CLOCK: variants seen among roughly 807,000 people sequenced by gnomAD.
CLOCK encodes clock circadian regulator, also known as circadian locomoter output cycles protein kaput.
Under a neutral mutation model 118.4 loss-of-function variants are expected in CLOCK, and 43 were observed. The observed-to-expected ratio is 0.36, with a 90% CI of 0.28 to 0.47. CLOCK has a LOEUF of 0.47. Among genes scored for constraint, CLOCK ranks in the 20% least tolerant of loss-of-function variants. The pLI, the probability that CLOCK is intolerant of heterozygous loss-of-function variation, is 1.00. For missense variants in CLOCK, 846 were observed against 999.9 expected, an observed-to-expected ratio of 0.85 and a Z score of 2.08; for synonymous variants, 326 against 339.2, an observed-to-expected ratio of 0.96 and a Z score of 0.43.
chr4:55,459,212 G>A lies in CLOCK; in HGVS notation c.609C>T (p.Asp203=). ...FCCHMLRGTI[D]PKEPSTYEYV... is the part of the protein sequence containing the mutation. ...ATTCATAGGTAGATGGCTCCTTTGG[G>A]TCTATTGTTCCTCGCAGCATGTGAC... Residue 203 remains aspartate (D), a synonymous_variant, in exon 10 of 23, where the codon GAC becomes GAT. Coordinates refer to ENST00000513440, the MANE Select transcript of CLOCK (RefSeq NM_004898.4). The A allele has an allele frequency of 1.2e-6, 2 of 1,612,640 alleles. No individual in the cohort carries two copies. Among genetic ancestry groups the A allele is most frequent in the Non-Finnish European group, 1.7e-6 (2 of 1,178,810 alleles).
chr4:55,515,983 T>G (rs1577837864), intron 1 of CLOCK, among the ~76,000 whole-genome samples: 1 of 152,196 alleles, frequency 6.6e-6, no homozygotes, highest in Non-Finnish European at 1.5e-5. Flanking sequence ...CTTTGACCCA[T>G]GTGTTGTTTA....
At chr4:55,498,871 T>C (rs970380109) in intron 2 of CLOCK, among the ~76,000 whole-genome samples, 5 of 152,188 alleles carry the variant, frequency 3.3e-5, no homozygotes, top group South Asian at 2.1e-4. Context: ...AAGTATATTA[T>C]AGAACAGACA....
intron 3 of CLOCK, among the ~76,000 whole-genome samples, chr4:55,489,000 T>C (rs1341636111): frequency 6.6e-6 from 1 of 152,224 alleles, no homozygotes; most frequent in Non-Finnish European, 1.5e-5. Context: ...CCCAAACTGC[T>C]AGGATTACAG....
chr4:55,469,203 G>A (rs891877964), intron 8 of CLOCK, among the ~76,000 whole-genome samples: 1 of 150,888 alleles, frequency 6.6e-6, no homozygotes, highest in African/African-American at 2.4e-5. Context: ...TCGGCTCACC[G>A]CAACCTCTGC....
intron 1 of CLOCK, among the ~76,000 whole-genome samples, chr4:55,540,069 G>C (rs28525309): frequency 0.42 from 62,244 of 149,800 alleles, 14,502 homozygotes; most frequent in African/African-American, 0.63. Flanking sequence ...GTGCAATGGC[G>C]TGATCTCTGC....
intron 8 of CLOCK, 95 bp from the exon 9 acceptor site, chr4:55,463,900 T>C (rs1228979376): frequency 6.4e-6 from 8 of 1,257,880 alleles, no homozygotes; most frequent in African/African-American, 1.5e-5. Flanking sequence ...AGCAGTTAAC[T>C]TTCAATTATC....
intron 1 of CLOCK, among the ~76,000 whole-genome samples, chr4:55,526,112 C>T (rs4865006): frequency 0.75 from 114,581 of 152,008 alleles, 43,509 homozygotes; most frequent in East Asian, 0.9. Context: ...ATACGAAATC[C>T]GAAACGCTTC....
intron 2 of CLOCK, among the ~76,000 whole-genome samples, chr4:55,494,225 G>A (rs192115417): frequency 2.0e-5 from 3 of 152,080 alleles, no homozygotes; most frequent in African/African-American, 7.2e-5. Context: ...GAAGCTATAC[G>A]ACTCTACACC....
At chr4:55,437,732 G>A (rs939275036) in intron 22 of CLOCK, among the ~76,000 whole-genome samples, 5 of 152,180 alleles carry the variant, frequency 3.3e-5, no homozygotes, top group African/African-American at 1.2e-4. Context: ...TGGTGCAGCA[G>A]TGACTCAACC....
At position 55,513,484 on chromosome 4, in the gene CLOCK, T is replaced by A. The variant is rs1362350715; in HGVS notation, c.-289-3419A>T. Among the ~76,000 whole-genome samples, 3 of 152,158 alleles carry A rather than the reference T, an allele frequency of 2.0e-5. No homozygotes were observed. The East Asian group carries it at 5.8e-4, about 29-fold the overall frequency. On this transcript the variant is annotated intron_variant, in intron 1 of 22. Transcript: ENST00000513440. ...GTGGATCTATTCCTGGTCTCTCTAT[T>A]CTGTTCCACTGATCTATTAAAATAT...
rs1708907124 is a variant in CLOCK, at chr4:55,431,356, G to C, written c.*4059C>G. On this transcript the variant is annotated 3_prime_UTR_variant, in exon 23 of 23. Transcript: ENST00000513440. ...AGGCATGTAGAGGGTTCCTATTATA[G>C]TTATATACAAATATATTAAATATAC... is the stretch of plus-strand genomic sequence containing the variant. The C allele has an allele frequency of 6.6e-6, 1 of 152,140 alleles. No homozygotes were observed. The highest frequency in any genetic ancestry group is 2.4e-5 in the African/African-American group (1 of 41,418). 9.4% of individuals were successfully genotyped at this position (152,140 alleles called of 1,614,324 possible). A position where few individuals can be genotyped will look rare whatever the true frequency, so the allele number is the denominator to read the frequency against.
intron 1 of CLOCK, among the ~76,000 whole-genome samples, chr4:55,544,159 C>T (rs1444721933): frequency 1.1e-5 from 1 of 89,180 alleles, no homozygotes; most frequent in Non-Finnish European, 2.2e-5. Flanking sequence ...TCATGAGAAA[C>T]AACCAGACAC....
chr4:55,449,002 T>TAACAA, intron 17 of CLOCK, 134 bp from the exon 18 acceptor site: 2 of 729,482 alleles, frequency 2.7e-6, no homozygotes, highest in Non-Finnish European at 4.7e-6. Context: ...TGAATACAGC[T>TAACAA]ATGTCTTCTC....
chr4:55,450,394 T>C (rs563411036), intron 15 of CLOCK, among the ~76,000 whole-genome samples, 162 bp from the exon 16 acceptor site: 2 of 152,248 alleles, frequency 1.3e-5, no homozygotes, highest in African/African-American at 4.8e-5. Context: ...TTATGTGTTA[T>C]AGCCAGAAAG....
At chr4:55,528,759 T>C (rs1482710923) in intron 1 of CLOCK, among the ~76,000 whole-genome samples, 2 of 152,204 alleles carry the variant, frequency 1.3e-5, no homozygotes, top group Non-Finnish European at 2.9e-5. Context: ...GTGTCACCTG[T>C]AGGTACAAAA....
intron 1 of CLOCK, among the ~76,000 whole-genome samples, chr4:55,511,102 G>C (rs1346758486): frequency 6.6e-6 from 1 of 152,148 alleles, no homozygotes; most frequent in Admixed American, 6.5e-5. Context: ...ATGGATAAAA[G>C]AATCAACTGA....
In CLOCK at chr4:55,428,955, C is replaced by T. The variant is rs1722351229; in HGVS notation, c.*6460G>A. ...CATTCCAGTATGGTCTGAATGGTAA[C>T]TGTTCTGGCTGACACATCTTTTTTT... is the stretch of plus-strand genomic sequence containing the variant. On this transcript the variant is annotated 3_prime_UTR_variant, in exon 23 of 23. Coordinates refer to ENST00000513440, the MANE Select transcript of CLOCK (RefSeq NM_004898.4). The T allele has an allele frequency of 6.8e-6, 1 of 146,274 alleles. No homozygotes were observed. The highest frequency in any genetic ancestry group is 2.5e-5 in the African/African-American group (1 of 40,100). 9.1% of individuals were successfully genotyped at this position (146,274 alleles called of 1,614,324 possible).
intron 1 of CLOCK, among the ~76,000 whole-genome samples, chr4:55,542,519 T>C (rs1731348297): frequency 1.3e-5 from 2 of 151,554 alleles, no homozygotes; most frequent in East Asian, 3.9e-4. Context: ...CTCTGAACTT[T>C]TTGCAAACTC....
intron 18 of CLOCK, 71 bp from the exon 19 acceptor site, chr4:55,444,856 A>G: frequency 6.8e-7 from 1 of 1,476,836 alleles, no homozygotes; most frequent in East Asian, 2.4e-5. Flanking sequence ...GCACAACATG[A>G]AAAGTAAGCA....
Sources: allele counts gnomAD v4.1 joint callset (sites outside exome capture counted in the v4.1 genomes callset), GRCh38; gene constraint gnomAD v4.1.1; transcripts MANE v1.5; gene names NCBI Gene and HGNC (gene_info 2026-07-23, HGNC 2026-07-21).